ERICH1: variants seen among roughly 807,000 people sequenced by gnomAD.
ERICH1 encodes glutamate rich 1, also known as glutamate-rich protein 1.
A neutral mutation model predicts 39.6 loss-of-function variants in ERICH1; 56 were observed. That is an observed-to-expected ratio of 1.41 (90% CI 1.14 to 1.77). The LOEUF is 1.77. Ranked by LOEUF, ERICH1 falls within the 40% of genes most tolerant of loss-of-function variation. ERICH1 has a pLI of 0.00. For missense variants in ERICH1, 826 were observed against 575.4 expected, an observed-to-expected ratio of 1.44 and a Z score of -4.45; for synonymous variants, 313 against 223.6, an observed-to-expected ratio of 1.40 and a Z score of -3.57.
At chr8:618,224 T>C (rs940898695) in intron 3 of ERICH1, among the ~76,000 whole-genome samples, 1 of 151,814 alleles carries the variant, frequency 6.6e-6, no homozygotes, top group African/African-American at 2.4e-5. Flanking sequence ...TCCATCTCAC[T>C]GCCCTCTGAG....
rs1366252034 is a variant in ERICH1 at position 664,583 on chromosome 8, T to A, written c.*20A>T. On this transcript the variant is annotated 3_prime_UTR_variant, in exon 6 of 6. Coordinates refer to ENST00000262109, the MANE Select transcript of ERICH1 (RefSeq NM_207332.3). Reference sequence around the variant, plus strand: ...AGTTTTTTTGTTAAAGAGGAGCTGTTCTTAAAGAGATATTCCATTTTAGTC... The same window carrying A: ...AGTTTTTTTGTTAAAGAGGAGCTGTACTTAAAGAGATATTCCATTTTAGTC... 2.5e-6 allele frequency: 4 copies of A among 1,600,192 alleles called. No individual in the cohort carries two copies. The highest frequency in any genetic ancestry group is 2.3e-5 in the South Asian group (2 of 87,696).
chr8:628,500 C>G (rs1304435892), intron 3 of ERICH1, among the ~76,000 whole-genome samples: 2 of 152,234 alleles, frequency 1.3e-5, no homozygotes, highest in African/African-American at 4.8e-5. Context: ...CCCCAGGCAG[C>G]TGGCGACCTT....
intron 2 of ERICH1, among the ~76,000 whole-genome samples, chr8:697,295 C>G (rs963453671): frequency 6.6e-6 from 1 of 152,190 alleles, no homozygotes; most frequent in Non-Finnish European, 1.5e-5. Context: ...CTCCTGCCAG[C>G]GCAGGCACAG....
intron 1 of ERICH1, among the ~76,000 whole-genome samples, chr8:722,357 G>A (rs942295275): frequency 5.3e-5 from 8 of 151,568 alleles, no homozygotes; most frequent in African/African-American, 1.7e-4. Flanking sequence ...TTCACATGCC[G>A]CAACACCCAG....
intron 1 of ERICH1, among the ~76,000 whole-genome samples, chr8:722,569 G>A (rs1817576001): frequency 6.6e-6 from 1 of 152,236 alleles, no homozygotes; most frequent in Non-Finnish European, 1.5e-5. Context: ...TTGACCACTG[G>A]AAGTGAACCT....
intron 2 of ERICH1, among the ~76,000 whole-genome samples, chr8:698,049 G>A (rs567046765): frequency 3.3e-5 from 5 of 152,288 alleles, no homozygotes; most frequent in South Asian, 2.1e-4. Flanking sequence ...GGACCCGGGG[G>A]TGGGTGTAGA....
chr8:718,037 C>T (rs375235216), intron 1 of ERICH1, among the ~76,000 whole-genome samples: 210 of 152,224 alleles, frequency 1.4e-3, no homozygotes, highest in Admixed American at 1.8e-3. Context: ...CACTGAGAAA[C>T]GGCACAACAC....
At chr8:674,073 A>G (rs780241266) in intron 3 of ERICH1, 26 bp from the exon 4 acceptor site, 1 of 1,513,206 alleles carries the variant, frequency 6.6e-7, no homozygotes, top group Non-Finnish European at 8.7e-7. Flanking sequence ...AAATATAACA[A>G]TTTTCAGTAC....
intron 3 of ERICH1, among the ~76,000 whole-genome samples, chr8:674,295 G>GC (rs1491216437): frequency 9.6e-6 from 1 of 104,480 alleles, no homozygotes; most frequent in East Asian, 3.2e-4. Flanking sequence ...ACAAGTTGTT[G>GC]CTTTTTTTTT....
rs11372589 is a variant in ERICH1 at position 674,296 on chromosome 8, C to CTTTTTTTT, written c.305-257_305-250dup. 8.2e-5 allele frequency among the ~76,000 whole-genome samples: 9 copies of CTTTTTTTT among 109,810 alleles called. 2 individuals carry two copies. The highest frequency in any genetic ancestry group is 1.2e-4 in the Non-Finnish European group (7 of 57,546). The allele number at this position is 109,810 out of a possible 152,430, so 72.0% of individuals were successfully genotyped here. On this transcript the variant is annotated intron_variant, in intron 3 of 5. Transcript: ENST00000262109. ...GTTTTGAAGGATGTACAAGTTGTTG[C>CTTTTTTTT]TTTTTTTTTTTTTTTTTTTTTCCTG...
chr8:711,501 C>CTT (rs1353584492), intron 2 of ERICH1, among the ~76,000 whole-genome samples: 7 of 142,202 alleles, frequency 4.9e-5, no homozygotes, highest in East Asian at 2.0e-4. Flanking sequence ...GGTGTAAGAT[C>CTT]TTTTTTTTTT....
intron 2 of ERICH1, among the ~76,000 whole-genome samples, chr8:709,776 G>A (rs548387582): frequency 6.6e-6 from 1 of 152,242 alleles, no homozygotes; most frequent in South Asian, 2.1e-4. Context: ...CTTCTAGAAT[G>A]AAACTGGCCT....
At chr8:634,568 C>T (rs533978126) in intron 3 of ERICH1, among the ~76,000 whole-genome samples, 36 of 152,324 alleles carry the variant, frequency 2.4e-4, no homozygotes, top group African/African-American at 8.2e-4. Flanking sequence ...GGTTTGCTTG[C>T]GGCTCACTCC....
chr8:674,028 C>T lies in ERICH1; in HGVS notation c.324G>A (p.Gln108=), dbSNP rs768429224. The change falls in exon 4 of 6, where the codon CAG becomes CAA. Residue 108 remains glutamine, a synonymous_variant. Transcript: ENST00000262109. ...GCTTCCTAATTCTTCTTCTCTTTGG[C>T]TGGTCATGAGGATCCTGATCTGTTA... ...DDTEDQDPHD[Q]PKRRRIRKHK... The T allele has an allele frequency of 6.4e-7, 1 of 1,565,100 alleles. No homozygotes were observed. Among genetic ancestry groups the T allele is most frequent in the Non-Finnish European group, 8.6e-7 (1 of 1,168,960 alleles).
intron 1 of ERICH1, among the ~76,000 whole-genome samples, chr8:720,881 G>A (rs1373654567): frequency 6.6e-6 from 1 of 152,182 alleles, no homozygotes; most frequent in African/African-American, 2.4e-5. Flanking sequence ...TGAGCCTGAA[G>A]CCACTCTGAC....
intron 1 of ERICH1, among the ~76,000 whole-genome samples, chr8:728,589 A>AT (rs979153354): frequency 2.6e-5 from 4 of 152,130 alleles, no homozygotes; most frequent in African/African-American, 9.7e-5. Context: ...CTAGCACTTA[A>AT]TTACATGCCA....
chr8:634,767 G>A (rs1798295482), intron 3 of ERICH1, among the ~76,000 whole-genome samples: 1 of 152,226 alleles, frequency 6.6e-6, no homozygotes, highest in South Asian at 2.1e-4. Context: ...GCGACCGGAA[G>A]CCTCTGCACT....
chr8:641,644 G>T (rs1338401880), intron 3 of ERICH1, among the ~76,000 whole-genome samples: 1 of 152,212 alleles, frequency 6.6e-6, no homozygotes, highest in Non-Finnish European at 1.5e-5. Context: ...GTGTCTGAGC[G>T]TGATCTAATC....
chr8:681,978 G>A (rs1806232599), intron 3 of ERICH1, among the ~76,000 whole-genome samples: 1 of 152,170 alleles, frequency 6.6e-6, no homozygotes, highest in Non-Finnish European at 1.5e-5. Flanking sequence ...CTGGTGGGTT[G>A]TTTAGCCAGA....
Sources: allele counts gnomAD v4.1 joint callset (sites outside exome capture counted in the v4.1 genomes callset), GRCh38; gene constraint gnomAD v4.1.1; transcripts MANE v1.5; gene names NCBI Gene and HGNC (gene_info 2026-07-23, HGNC 2026-07-21).